UGGT2: variants seen among roughly 807,000 people sequenced by gnomAD.
The protein encoded by UGGT2 is UDP-glucose glycoprotein glucosyltransferase 2.
In UGGT2, 180 loss-of-function variants were observed where a neutral mutation model predicts 192.1. The observed-to-expected ratio is 0.94, with a 90% CI of 0.83 to 1.06. The LOEUF is 1.06. UGGT2 is among the 50% of genes least tolerant of loss of function. The probability of loss-of-function intolerance (pLI) is 0.00; values close to 1 mark genes in which losing one functional copy is unlikely to be tolerated. For missense variants in UGGT2, 1,849 were observed against 1,795.7 expected, an observed-to-expected ratio of 1.03 and a Z score of -0.54; for synonymous variants, 580 against 591.0, an observed-to-expected ratio of 0.98 and a Z score of 0.27.
chr13:95,831,954 A>ATCT (rs1373197957), intron 38 of UGGT2, among the ~76,000 whole-genome samples: 1 of 151,934 alleles, frequency 6.6e-6, no homozygotes, highest in East Asian at 1.9e-4. Flanking sequence ...TTGAAATAGT[A>ATCT]TCTTTATCTA....
chr13:95,835,368 A>G (rs1175762259), intron 37 of UGGT2, among the ~76,000 whole-genome samples: 1 of 152,168 alleles, frequency 6.6e-6, no homozygotes, highest in Non-Finnish European at 1.5e-5. Flanking sequence ...TCTAAGTACT[A>G]AAGATCCCAA....
intron 1 of UGGT2, among the ~76,000 whole-genome samples, chr13:96,049,119 A>G (rs1490791465): frequency 6.6e-6 from 1 of 152,230 alleles, no homozygotes; most frequent in Non-Finnish European, 1.5e-5. Flanking sequence ...AGCATCTCAA[A>G]AAGCTTATCC....
intron 38 of UGGT2, among the ~76,000 whole-genome samples, chr13:95,811,749 T>G (rs1420498401): frequency 1.3e-5 from 2 of 151,948 alleles, no homozygotes; most frequent in African/African-American, 4.8e-5. Flanking sequence ...AACAGAAGTA[T>G]AAGGTTGCAA....
At chr13:95,939,487 T>C (rs1486800900) in intron 16 of UGGT2, among the ~76,000 whole-genome samples, 1 of 150,906 alleles carries the variant, frequency 6.6e-6, no homozygotes, top group African/African-American at 2.4e-5. Context: ...TTTTTTTTTT[T>C]TTTTTTTGGC....
intron 1 of UGGT2, among the ~76,000 whole-genome samples, chr13:96,052,420 GA>G (rs2053511813): frequency 6.6e-6 from 1 of 150,644 alleles, no homozygotes; most frequent in African/African-American, 2.4e-5. Context: ...CACCACTAAA[GA>G]ACTTACTCAT....
intron 38 of UGGT2, among the ~76,000 whole-genome samples, chr13:95,802,845 GTTTT>G (rs983146467): frequency 6.9e-6 from 1 of 145,662 alleles, no homozygotes; most frequent in Non-Finnish European, 1.5e-5. Context: ...TTGTTTGTTT[GTTTT>G]TTGAGACGGA....
intron 17 of UGGT2, among the ~76,000 whole-genome samples, 191 bp from the exon 18 acceptor site, chr13:95,927,527 A>C (rs2049064049): frequency 1.4e-5 from 2 of 141,474 alleles, no homozygotes; most frequent in Non-Finnish European, 3.0e-5. Context: ...GCTCTGTCTC[A>C]GGTGTTGGCA....
At chr13:95,939,615 C>T (rs558979510) in intron 16 of UGGT2, among the ~76,000 whole-genome samples, 2 of 151,592 alleles carry the variant, frequency 1.3e-5, no homozygotes, top group Admixed American at 1.3e-4. Flanking sequence ...TGTGGAATAG[C>T]TAATAAAGCT....
At chr13:95,970,857 C>T (rs909315576) in intron 11 of UGGT2, among the ~76,000 whole-genome samples, 7 of 152,160 alleles carry the variant, frequency 4.6e-5, no homozygotes, top group Admixed American at 2.6e-4. Context: ...GGCGACTATT[C>T]AGAGGCAAAA....
intron 17 of UGGT2, among the ~76,000 whole-genome samples, chr13:95,930,853 C>T (rs760518079): frequency 5.9e-5 from 9 of 152,056 alleles, no homozygotes; most frequent in Non-Finnish European, 7.4e-5. Context: ...TTGGTGGTCT[C>T]GCTGGCTTCA....
At chr13:95,835,133 T>A (rs1023225964) in intron 37 of UGGT2, among the ~76,000 whole-genome samples, 1 of 152,206 alleles carries the variant, frequency 6.6e-6, no homozygotes, top group Non-Finnish European at 1.5e-5. Context: ...CTTTATACCT[T>A]ACAGCACATC....
intron 6 of UGGT2, 151 bp from the exon 7 acceptor site, chr13:95,996,286 G>A (rs2051617717): frequency 1.6e-6 from 1 of 636,124 alleles, no homozygotes; most frequent in African/African-American, 1.9e-5. Flanking sequence ...TAAATCACTT[G>A]AGCTCACGAG....
intron 29 of UGGT2, among the ~76,000 whole-genome samples, chr13:95,876,741 C>T (rs539603159): frequency 4.9e-4 from 74 of 152,202 alleles, no homozygotes; most frequent in African/African-American, 1.6e-3. Flanking sequence ...CAGCTTACCT[C>T]GTTCCTTAGT....
intron 10 of UGGT2, 108 bp from the exon 11 acceptor site, chr13:95,972,779 T>G: frequency 1.3e-6 from 1 of 782,710 alleles, no homozygotes; most frequent in Non-Finnish European, 2.1e-6. Context: ...TATTTTAGGT[T>G]TGGCAGGCCA....
At chr13:95,845,315 G>A (rs1566579051) in intron 36 of UGGT2, among the ~76,000 whole-genome samples, 1 of 145,856 alleles carries the variant, frequency 6.9e-6, no homozygotes, top group Non-Finnish European at 1.5e-5. Flanking sequence ...CTAGGCAGAG[G>A]GCCCTGCCGC....
At chr13:95,916,359 C>A (rs1333865261) in intron 20 of UGGT2, among the ~76,000 whole-genome samples, 2 of 152,112 alleles carry the variant, frequency 1.3e-5, no homozygotes, top group African/African-American at 4.8e-5. Context: ...ACAAAATCAT[C>A]GTCAACAAAA....
rs1594356961 is a variant in UGGT2, at chr13:95,928,974, C to T, written c.1978-1638G>A. Among the ~76,000 whole-genome samples the T allele has an allele frequency of 2.6e-5, 4 of 152,324 alleles. No homozygotes were observed. The South Asian group carries it at 6.2e-4, about 24-fold the overall frequency. On this transcript the variant is annotated intron_variant, in intron 17 of 38. Coordinates refer to ENST00000376747, the MANE Select transcript of UGGT2 (RefSeq NM_020121.4). Reference sequence around the variant, plus strand: ...TCGGGAGGCCGGGGCTGGCAGATCACTCGAGGTCAGGAGCTGGAGACCAGC... The same window carrying T: ...TCGGGAGGCCGGGGCTGGCAGATCATTCGAGGTCAGGAGCTGGAGACCAGC...
At position 95,898,655 on chromosome 13, in the gene UGGT2, G is replaced by A. The variant is rs530113359; in HGVS notation, c.2634+2152C>T. 8.5e-5 allele frequency among the ~76,000 whole-genome samples: 13 copies of A among 152,226 alleles called. No individual in the cohort carries two copies. In the East Asian group the frequency reaches 2.5e-3, roughly 29 times the overall value. On this transcript the variant is annotated intron_variant, in intron 22 of 38. Coordinates refer to ENST00000376747, the MANE Select transcript of UGGT2 (RefSeq NM_020121.4). The stretch of plus-strand genomic sequence containing the variant: ...GCTGGGGCCTAATGGGAGGTGTTTA[G>A]GTCATGAGGGCTGTGCCTCAAAATG...
intron 17 of UGGT2, among the ~76,000 whole-genome samples, chr13:95,936,302 T>G (rs2049460154): frequency 6.6e-6 from 1 of 152,364 alleles, no homozygotes; most frequent in South Asian, 2.1e-4. Flanking sequence ...GATTTTACTT[T>G]GGGCTGTGTG....
Sources: allele counts gnomAD v4.1 joint callset (sites outside exome capture counted in the v4.1 genomes callset), GRCh38; gene constraint gnomAD v4.1.1; transcripts MANE v1.5; gene names NCBI Gene and HGNC (gene_info 2026-07-23, HGNC 2026-07-21).